Variants in PITRM1 observed in about 807,000 individuals in gnomAD.
The protein encoded by PITRM1 is presequence protease, mitochondrial.
In PITRM1, 100 loss-of-function variants were observed where a neutral mutation model predicts 129.9. That is an observed-to-expected ratio of 0.77 (90% confidence interval 0.65 to 0.91). PITRM1 has a LOEUF of 0.91. Among genes scored for constraint, PITRM1 ranks in the 40% least tolerant of loss-of-function variants. The pLI is 0.00. For synonymous variants in PITRM1, 591 were observed against 508.8 expected, an observed-to-expected ratio of 1.16 and a Z score of -2.17; for missense variants, 1,471 against 1,318.3, an observed-to-expected ratio of 1.12 and a Z score of -1.79.
Position 3,148,066 on chromosome 10 carries a change from G to A in PITRM1, c.1993-3C>T. On this transcript the variant is annotated splice_polypyrimidine_tract_variant and splice_region_variant and intron_variant, in intron 17 of 26. Coordinates refer to ENST00000224949, the MANE Select transcript of PITRM1 (RefSeq NM_014889.4). ...CAGAGAGAGGAGAAAAGCACACCCT[G>A]AACCAAAGAAAACACAGAAGAAAGG... The A allele has an allele frequency of 6.2e-7, 1 of 1,613,662 alleles. No individual in the cohort carries two copies. Among genetic ancestry groups the A allele is most frequent in the Non-Finnish European group, 8.5e-7 (1 of 1,179,598 alleles).
Position 3,149,639 on chromosome 10 carries a change from A to G in PITRM1, c.1853T>C (p.Phe618Ser), listed in dbSNP as rs1331759163. 1 of 1,581,252 alleles carries G rather than the reference A, an allele frequency of 6.3e-7. No individual in the cohort carries two copies. Among genetic ancestry groups the G allele is most frequent in the Non-Finnish European group, 8.6e-7 (1 of 1,167,016 alleles). The change falls in exon 16 of 27, where the codon TTC becomes TCC. Residue 618 changes from phenylalanine (F) to serine (S), a missense_variant. Transcript: ENST00000224949. ...PEELRPYVPL[F>S]CSVLTKLGCG... ...CTCGTACTTGGTGAGGACGCTGCAGAAGAGGGGCACATAGGGCCTCAGCTC... is the reference window on the plus strand; with the variant it reads ...CTCGTACTTGGTGAGGACGCTGCAGGAGAGGGGCACATAGGGCCTCAGCTC...
At chr10:3,152,454 C>T (rs374190669) in intron 14 of PITRM1, among the ~76,000 whole-genome samples, 3 of 152,232 alleles carry the variant, frequency 2.0e-5, no homozygotes, top group Admixed American at 1.3e-4. Context: ...TCCCCGAGAG[C>T]GTGCCACGCA....
intron 2 of PITRM1, among the ~76,000 whole-genome samples, chr10:3,169,537 G>T (rs1443892858): frequency 1.3e-5 from 2 of 152,230 alleles, no homozygotes; most frequent in African/African-American, 4.8e-5. Flanking sequence ...CCAACAGCTG[G>T]CCAAATACAT....
At chr10:3,162,928 T>C (rs1399599755) in intron 7 of PITRM1, among the ~76,000 whole-genome samples, 1 of 152,112 alleles carries the variant, frequency 6.6e-6, no homozygotes, top group Non-Finnish European at 1.5e-5. Flanking sequence ...ATAGGCAGTT[T>C]TAAGAAAGTA....
intron 25 of PITRM1, chr10:3,138,603 C>G (rs919582616): frequency 5.0e-5 from 30 of 603,844 alleles, no homozygotes; most frequent in Non-Finnish European, 7.7e-5. Flanking sequence ...AAAGCGGCTC[C>G]AGAGAGTAAC....
At chr10:3,140,926 A>C in intron 23 of PITRM1, 114 bp from the exon 24 acceptor site, 1 of 957,308 alleles carries the variant, frequency 1.0e-6, no homozygotes, top group Non-Finnish European at 1.6e-6. Flanking sequence ...AATGCTGCAT[A>C]AATTATGGTC....
chr10:3,152,987 G>A (rs957589600), intron 14 of PITRM1, among the ~76,000 whole-genome samples: 14 of 152,222 alleles, frequency 9.2e-5, no homozygotes, highest in Admixed American at 2.6e-4. Flanking sequence ...ACCAGAAATC[G>A]GAAGATTCAA....
At chr10:3,169,113 G>A (rs4881117) in intron 2 of PITRM1, among the ~76,000 whole-genome samples, 24,060 of 152,122 alleles carry the variant, frequency 0.16, 2,091 homozygotes, top group East Asian at 0.28. Flanking sequence ...AAGTAAATAC[G>A]TTTCTATAAA....
At chr10:3,149,340 G>A (rs1240232387) in intron 16 of PITRM1, 5 of 270,408 alleles carry the variant, frequency 1.8e-5, no homozygotes, top group East Asian at 7.0e-5. Context: ...TTACATTTTC[G>A]GATTAAACCA....
chr10:3,155,303 C>G (rs2132442938), intron 14 of PITRM1, among the ~76,000 whole-genome samples: 1 of 152,340 alleles, frequency 6.6e-6, no homozygotes, highest in Middle Eastern at 3.4e-3. Context: ...TGCAGCAGAA[C>G]AATGGTACTG....
At chr10:3,139,904 G>T (rs1361014306) in intron 24 of PITRM1, among the ~76,000 whole-genome samples, 1 of 149,702 alleles carries the variant, frequency 6.7e-6, no homozygotes, top group Non-Finnish European at 1.5e-5. Flanking sequence ...TTGCTTTACA[G>T]TAACGGTGTT....
chr10:3,156,661 G>T (rs947095258), intron 13 of PITRM1, among the ~76,000 whole-genome samples: 1 of 151,920 alleles, frequency 6.6e-6, no homozygotes, highest in East Asian at 1.9e-4. Context: ...ACTAATAAAA[G>T]AACAATATAT....
chr10:3,153,821 C>G (rs559430135), intron 14 of PITRM1, among the ~76,000 whole-genome samples: 1 of 152,270 alleles, frequency 6.6e-6, no homozygotes, highest in South Asian at 2.1e-4. Context: ...CAATTTCTCA[C>G]AGAATCCCAG....
Position 3,144,279 on chromosome 10 carries a change from C to T in PITRM1, c.2532+13G>A, listed in dbSNP as rs766869905. On this transcript the variant is annotated intron_variant, in intron 22 of 26. Transcript: ENST00000224949. The stretch of plus-strand genomic sequence containing the variant: ...CCCACCCGCTGGCAACCCGGATGGG[C>T]TGTGGTTCTTACCATGACCAGCTTC... 78 of 1,524,994 alleles carry T rather than the reference C, an allele frequency of 5.1e-5. No individual in the cohort carries two copies. The highest frequency in any genetic ancestry group is 6.7e-5 in the Non-Finnish European group (75 of 1,122,572). The allele number at this position is 1,524,994 out of a possible 1,614,324, so 94.5% of individuals were successfully genotyped here.
chr10:3,170,236 G>A, intron 1 of PITRM1, 30 bp from the exon 2 acceptor site: 1 of 1,503,142 alleles, frequency 6.7e-7, no homozygotes, highest in Non-Finnish European at 9.3e-7. Context: ...AGTTAGATGA[G>A]TTGCAGGAAA....
intron 7 of PITRM1, among the ~76,000 whole-genome samples, chr10:3,161,995 ACT>A (rs959379596): frequency 2.7e-5 from 4 of 148,282 alleles, no homozygotes; most frequent in African/African-American, 9.7e-5. Context: ...ACATGGCGAG[ACT>A]CTGTCTCTAC....
chr10:3,159,820 T>G (rs185630794), intron 9 of PITRM1, 28 bp downstream of exon 9: 3 of 1,350,670 alleles, frequency 2.2e-6, no homozygotes, highest in African/African-American at 2.8e-5. Flanking sequence ...GTTTTTGTCT[T>G]GTATGAGCTT....
intron 4 of PITRM1, 82 bp downstream of exon 4, chr10:3,166,147 T>G: frequency 1.6e-6 from 2 of 1,252,184 alleles, no homozygotes; most frequent in Non-Finnish European, 2.2e-6. Flanking sequence ...ACTCCCCTCA[T>G]TCCTTCTCAG....
At chr10:3,152,461 C>T (rs1200656825) in intron 14 of PITRM1, among the ~76,000 whole-genome samples, 1 of 152,246 alleles carries the variant, frequency 6.6e-6, no homozygotes. Flanking sequence ...GAGCGTGCCA[C>T]GCACTTAGAC....
Sources: gnomAD v4.1 joint callset for allele counts (sites outside exome capture counted in the v4.1 genomes callset) on GRCh38, gnomAD v4.1.1 for gene constraint, MANE v1.5 for transcripts, NCBI Gene and HGNC (gene_info 2026-07-23, HGNC 2026-07-21) for gene names.